The following TRIM24 variants were observed in gnomAD, a reference collection of about 807,000 sequenced individuals.
TRIM24 encodes the protein transcription intermediary factor 1-alpha.
TRIM24 carries 29 observed loss-of-function variants against 123.9 expected under a neutral mutation model. The observed-to-expected ratio is 0.23, with a 90% confidence interval of 0.17 to 0.32. The LOEUF is 0.32. Among genes scored for constraint, TRIM24 ranks in the 10% least tolerant of loss-of-function variants. The pLI, the probability that TRIM24 is intolerant of heterozygous loss-of-function variation, is 1.00. For synonymous variants in TRIM24, 456 were observed against 461.1 expected, an observed-to-expected ratio of 0.99 and a Z score of 0.14; for missense variants, 932 against 1,295.3, an observed-to-expected ratio of 0.72 and a Z score of 4.31.
chr7:138,531,471 G>A (rs999254765), intron 6 of TRIM24, among the ~76,000 whole-genome samples: 2 of 149,748 alleles, frequency 1.3e-5, no homozygotes, highest in Non-Finnish European at 3.0e-5. Context: ...TGCGGTGTTT[G>A]GTTTTTTGTC....
intron 10 of TRIM24, among the ~76,000 whole-genome samples, chr7:138,569,156 C>T (rs550943395): frequency 1.3e-5 from 2 of 152,274 alleles, no homozygotes; most frequent in South Asian, 2.1e-4. Flanking sequence ...CTATAAAATG[C>T]GTATCTTGCA....
intron 10 of TRIM24, among the ~76,000 whole-genome samples, chr7:138,569,946 CTTTTT>C (rs535279990): frequency 2.9e-5 from 4 of 136,090 alleles, no homozygotes; most frequent in South Asian, 2.3e-4. Flanking sequence ...TCAAGTCATC[CTTTTT>C]TTTTTTTTTT....
intron 15 of TRIM24, among the ~76,000 whole-genome samples, chr7:138,579,847 TGA>T (rs1459664822): frequency 6.6e-6 from 1 of 152,050 alleles, no homozygotes; most frequent in Admixed American, 6.5e-5. Context: ...TGGTTGAGCC[TGA>T]GAGGTCAAGG....
rs1797979603 is a variant in TRIM24, at chr7:138,584,816, A to G, written c.3018A>G (p.Pro1006=). 6.2e-6 allele frequency: 10 copies of G among 1,613,540 alleles called. No homozygotes were observed. The highest frequency in any genetic ancestry group is 8.5e-6 in the Non-Finnish European group (10 of 1,179,778). Residue 1006 remains proline (P), a synonymous_variant, in exon 19 of 19, where the codon CCA becomes CCG. Coordinates refer to ENST00000343526, the MANE Select transcript of TRIM24 (RefSeq NM_015905.3). ...YFEELLKNLY[P]EKRFPKPEFR... is the part of the protein sequence containing the mutation. ...AAGAACTTCTAAAGAACCTCTATCC[A>G]GAAAAAAGGTTTCCCAAACCAGAAT...
At chr7:138,493,338 A>T (rs1195289732) in intron 1 of TRIM24, among the ~76,000 whole-genome samples, 1 of 152,234 alleles carries the variant, frequency 6.6e-6, no homozygotes, top group Non-Finnish European at 1.5e-5. Context: ...TTTAAGTATT[A>T]CAATGTGTTG....
chr7:138,504,192 T>TGGAC (rs1321088647), intron 1 of TRIM24, 98 bp from the exon 2 acceptor site: 3 of 677,140 alleles, frequency 4.4e-6, no homozygotes, highest in Non-Finnish European at 6.9e-6. Context: ...TTAAAAAGAA[T>TGGAC]GGACATTGAA....
At chr7:138,534,367 C>T (rs1288224330) in intron 6 of TRIM24, among the ~76,000 whole-genome samples, 1 of 152,146 alleles carries the variant, frequency 6.6e-6, no homozygotes, top group East Asian at 1.9e-4. Flanking sequence ...ATAAATTTCC[C>T]TCTACACATT....
At chr7:138,510,407 T>TG (rs1554437042) in intron 2 of TRIM24, among the ~76,000 whole-genome samples, 7 of 152,170 alleles carry the variant, frequency 4.6e-5, no homozygotes, top group South Asian at 4.1e-4. Flanking sequence ...GTGTGGTTTT[T>TG]TTTGTTTGTT....
intron 1 of TRIM24, among the ~76,000 whole-genome samples, chr7:138,497,754 A>G (rs572068005): frequency 5.9e-5 from 9 of 151,916 alleles, no homozygotes; most frequent in Admixed American, 4.6e-4. Flanking sequence ...GCAGTGGTGC[A>G]ATCTCAGCTC....
At chr7:138,526,325 C>T (rs999427537) in intron 5 of TRIM24, among the ~76,000 whole-genome samples, 2 of 152,106 alleles carry the variant, frequency 1.3e-5, no homozygotes, top group Non-Finnish European at 2.9e-5. Flanking sequence ...CATAGTTTTA[C>T]CATTTCTTGA....
chr7:138,566,225 A>T (rs868645582), intron 9 of TRIM24, among the ~76,000 whole-genome samples: 39 of 152,158 alleles, frequency 2.6e-4, no homozygotes, highest in Middle Eastern at 3.4e-3. Flanking sequence ...CTTTGAAAAT[A>T]TGTTTTCTGG....
At chr7:138,545,431 G>A (rs1304813017) in intron 7 of TRIM24, 2 of 456,816 alleles carry the variant, frequency 4.4e-6, no homozygotes, top group Middle Eastern at 3.2e-4. Flanking sequence ...GATTGAATAA[G>A]TAAGTAAATA....
intron 9 of TRIM24, among the ~76,000 whole-genome samples, chr7:138,557,355 A>G (rs1797336198): frequency 6.6e-6 from 1 of 152,264 alleles, no homozygotes; most frequent in East Asian, 1.9e-4. Context: ...TTAATTCTTC[A>G]TGAAAAGGCA....
chr7:138,496,358 T>C (rs1795905406), intron 1 of TRIM24, among the ~76,000 whole-genome samples: 1 of 152,228 alleles, frequency 6.6e-6, no homozygotes, highest in Non-Finnish European at 1.5e-5. Context: ...TTAGGATTTT[T>C]TGCATATACA....
intron 9 of TRIM24, among the ~76,000 whole-genome samples, chr7:138,559,300 C>T (rs6467782): frequency 0.72 from 109,768 of 151,922 alleles, 40,139 homozygotes; most frequent in Non-Finnish European, 0.79. Context: ...GTGGGGGCAC[C>T]CTTCTATGAG....
chr7:138,533,062 T>G (rs1049877978), intron 6 of TRIM24, among the ~76,000 whole-genome samples: 1 of 152,238 alleles, frequency 6.6e-6, no homozygotes, highest in African/African-American at 2.4e-5. Context: ...CACATTGATT[T>G]TGTATCCTGA....
chr7:138,564,917 C>T (rs988666515), intron 9 of TRIM24, among the ~76,000 whole-genome samples: 6 of 152,186 alleles, frequency 3.9e-5, no homozygotes, highest in African/African-American at 7.2e-5. Context: ...GCAACACACT[C>T]ACTCTCACTT....
At chr7:138,546,895 C>T (rs1401083953) in intron 7 of TRIM24, among the ~76,000 whole-genome samples, 4 of 152,104 alleles carry the variant, frequency 2.6e-5, no homozygotes, top group Admixed American at 6.6e-5. Flanking sequence ...TGAAAAATTA[C>T]ATATAGAAGT....
intron 1 of TRIM24, among the ~76,000 whole-genome samples, chr7:138,486,449 C>A (rs1795649015): frequency 6.6e-6 from 1 of 152,096 alleles, no homozygotes; most frequent in Admixed American, 6.5e-5. Context: ...AGGTTTTCTT[C>A]TAGGGTTTTT....
Sources: gnomAD v4.1 joint callset for allele counts (sites outside exome capture counted in the v4.1 genomes callset) on GRCh38, gnomAD v4.1.1 for gene constraint, MANE v1.5 for transcripts, NCBI Gene and HGNC (gene_info 2026-07-23, HGNC 2026-07-21) for gene names.